Variants in ATP8A2 observed in about 807,000 individuals in gnomAD.
ATP8A2 encodes the protein ATPase phospholipid transporting 8A2, also known as phospholipid-transporting ATPase IB.
A neutral mutation model predicts 165.6 loss-of-function variants in ATP8A2; 100 were observed. The observed-to-expected ratio is 0.60, with a 90% confidence interval of 0.51 to 0.71. The LOEUF (loss-of-function observed/expected upper bound fraction) is 0.71. Among genes scored for constraint, ATP8A2 ranks in the 30% least tolerant of loss-of-function variants. The pLI is 0.00. For missense variants in ATP8A2, 1,227 were observed against 1,479.5 expected (o/e 0.83, Z 2.80); for synonymous variants, 543 against 548.8 (o/e 0.99, Z 0.15).
At chr13:25,496,717 TA>T (rs901099306) in intron 2 of ATP8A2, among the ~76,000 whole-genome samples, 1 of 152,160 alleles carries the variant, frequency 6.6e-6, no homozygotes, top group East Asian at 1.9e-4. Context: ...CCCAGGATTT[TA>T]AAAAAAGTCC....
chr13:25,828,285 C>T, intron 28 of ATP8A2, 93 bp downstream of exon 28: 1 of 1,065,106 alleles, frequency 9.4e-7, no homozygotes, highest in Non-Finnish European at 1.5e-6. Flanking sequence ...GTATCTGAGT[C>T]AATCATCTGT....
intron 25 of ATP8A2, among the ~76,000 whole-genome samples, chr13:25,715,410 C>T (rs561241234): frequency 1.4e-4 from 22 of 152,332 alleles, no homozygotes; most frequent in Non-Finnish European, 2.6e-4. Context: ...TATACTCATA[C>T]AGCAGTATAA....
intron 35 of ATP8A2, among the ~76,000 whole-genome samples, chr13:25,989,769 C>T (rs1295425161): frequency 3.3e-5 from 5 of 152,160 alleles, no homozygotes; most frequent in Non-Finnish European, 7.3e-5. Context: ...CCTTCCTCCT[C>T]ACTTCCACCT....
At chr13:25,959,212 GGA>G (rs1485948498) in intron 33 of ATP8A2, among the ~76,000 whole-genome samples, 1 of 152,186 alleles carries the variant, frequency 6.6e-6, no homozygotes, top group Non-Finnish European at 1.5e-5. Flanking sequence ...TCTTGGTTGG[GGA>G]GAGAGAGTTG....
chr13:25,948,518 C>T (rs1477677566), intron 33 of ATP8A2, among the ~76,000 whole-genome samples: 1 of 152,104 alleles, frequency 6.6e-6, no homozygotes, highest in African/African-American at 2.4e-5. Flanking sequence ...ATTGGAGCCC[C>T]GGCAGCCTGC....
chr13:25,839,568 A>G lies in ATP8A2; in HGVS notation c.2900A>G (p.Asn967Ser). 1 of 1,614,082 alleles carries G rather than the reference A, an allele frequency of 6.2e-7. No homozygotes were observed. The highest frequency in any genetic ancestry group is 8.5e-7 in the Non-Finnish European group (1 of 1,179,988). ...NTKVFWGHCI[N>S]ALVHSLILFW... ...TAGGTTTTCTGGGGTCACTGCATCA[A>G]CGCCTTGGTCCACTCCCTCATCCTC... Residue 967 changes from asparagine (N) to serine (S), a missense_variant, in exon 30 of 37, where the codon AAC becomes AGC. This residue lies in a region of ATP8A2 where 260 missense variants were observed against 245.1 expected (regional missense o/e 1.06). Transcript: ENST00000381655.
At chr13:25,930,668 G>T (rs375778351) in intron 33 of ATP8A2, among the ~76,000 whole-genome samples, 105 of 151,310 alleles carry the variant, frequency 6.9e-4, no homozygotes, top group African/African-American at 2.5e-3. Context: ...ACCTTATGTG[G>T]TTTTTTTTTC....
At chr13:25,686,835 C>T (rs957093102) in intron 24 of ATP8A2, among the ~76,000 whole-genome samples, 162 of 152,204 alleles carry the variant, frequency 1.1e-3, no homozygotes, top group Non-Finnish European at 2.1e-4. Context: ...GCTTCCTAAA[C>T]CCTGCTTGGT....
intron 33 of ATP8A2, among the ~76,000 whole-genome samples, chr13:25,952,171 A>G (rs141589098): frequency 2.0e-5 from 3 of 152,192 alleles, no homozygotes; most frequent in African/African-American, 7.2e-5. Flanking sequence ...GGATGTCCCA[A>G]TACGTTGAAC....
At chr13:25,895,402 A>C (rs1349199551) in intron 33 of ATP8A2, among the ~76,000 whole-genome samples, 1 of 152,194 alleles carries the variant, frequency 6.6e-6, no homozygotes, top group Non-Finnish European at 1.5e-5. Flanking sequence ...CATGGTGGAT[A>C]AGCTTTTTGA....
chr13:25,812,031 C>T (rs1238178441), intron 27 of ATP8A2, among the ~76,000 whole-genome samples: 2 of 152,146 alleles, frequency 1.3e-5, no homozygotes, highest in African/African-American at 2.4e-5. Flanking sequence ...CTCCTTCTCC[C>T]TTCCCACATA....
chr13:25,624,759 A>G (rs1428368158), intron 24 of ATP8A2, among the ~76,000 whole-genome samples: 8 of 152,196 alleles, frequency 5.3e-5, no homozygotes, highest in Non-Finnish European at 1.2e-4. Context: ...CTGCTTTCAG[A>G]AAAATAGTTC....
intron 35 of ATP8A2, among the ~76,000 whole-genome samples, chr13:25,997,807 GCTTT>G (rs1301308216): frequency 1.3e-5 from 2 of 151,910 alleles, no homozygotes; most frequent in South Asian, 2.1e-4. Flanking sequence ...CTTGGCTGCG[GCTTT>G]CTATTTTTTT....
chr13:25,788,193 A>G (rs1593347323), intron 27 of ATP8A2, among the ~76,000 whole-genome samples: 1 of 152,250 alleles, frequency 6.6e-6, no homozygotes, highest in East Asian at 1.9e-4. Context: ...ATAGAAGTAC[A>G]TACATCAAAA....
intron 1 of ATP8A2, among the ~76,000 whole-genome samples, chr13:25,461,673 A>G (rs2035505931): frequency 6.6e-6 from 1 of 152,232 alleles, no homozygotes; most frequent in Non-Finnish European, 1.5e-5. Context: ...TTTACCAGGA[A>G]ATTTCAGCTA....
At chr13:26,002,236 A>G (rs1451160606) in intron 35 of ATP8A2, among the ~76,000 whole-genome samples, 1 of 152,070 alleles carries the variant, frequency 6.6e-6, no homozygotes, top group Non-Finnish European at 1.5e-5. Context: ...CTTAAAACTT[A>G]CTCCTTTTGA....
intron 2 of ATP8A2, among the ~76,000 whole-genome samples, chr13:25,509,957 A>G (rs1278777651): frequency 6.6e-6 from 1 of 152,238 alleles, no homozygotes; most frequent in Non-Finnish European, 1.5e-5. Flanking sequence ...CGCACGCCCC[A>G]AATGTTTACT....
rs115779362 is a variant in ATP8A2 at position 25,970,289 on chromosome 13, A to C, written c.3377+1610A>C. 2.4e-3 allele frequency among the ~76,000 whole-genome samples: 369 copies of C among 152,358 alleles called. 1 individual carries two copies. The highest frequency in any genetic ancestry group is 8.4e-3 in the African/African-American group (348 of 41,584). ...ACATCACATATAATGTGGTGTGAGA[A>C]TGTGCTTTAGAGTGTTTGTTCTGAT... On this transcript the variant is annotated intron_variant, in intron 35 of 36. Coordinates refer to ENST00000381655, the MANE Select transcript of ATP8A2 (RefSeq NM_016529.6).
rs147242243 is a variant in ATP8A2 at position 25,519,477 on chromosome 13, C to G, written c.222-10522C>G. 2.9e-3 allele frequency among the ~76,000 whole-genome samples: 434 copies of G among 152,120 alleles called. 3 individuals are homozygous for G. Among genetic ancestry groups the G allele is most frequent in the African/African-American group, 9.9e-3 (409 of 41,470 alleles). ...AGTATCTCCGGGGGCTGGCACACTG[C>G]CCTAGTACATAATTAGGGCTCAGGA... On this transcript the variant is annotated intron_variant, in intron 2 of 36. Coordinates refer to ENST00000381655, the MANE Select transcript of ATP8A2 (RefSeq NM_016529.6).
Sources: allele counts gnomAD v4.1 joint callset (sites outside exome capture counted in the v4.1 genomes callset), GRCh38; gene constraint gnomAD v4.1.1; regional missense constraint gnomAD v4.1.1; transcripts MANE v1.5; gene names NCBI Gene and HGNC (gene_info 2026-07-23, HGNC 2026-07-21).